The following TBC1D22A variants were observed in gnomAD, a reference collection of about 807,000 sequenced individuals.
TBC1D22A encodes putative GTPase activator.
TBC1D22A carries 38 observed loss-of-function variants against 60.2 expected under a neutral mutation model. The observed-to-expected ratio is 0.63, with a 90% confidence interval of 0.49 to 0.83. The LOEUF is 0.83. Among genes scored for constraint, TBC1D22A ranks in the 40% least tolerant of loss-of-function variants. The probability of loss-of-function intolerance (pLI) is 0.00; values close to 1 mark genes in which losing one functional copy is unlikely to be tolerated. For missense variants in TBC1D22A, 628 were observed against 701.0 expected, an observed-to-expected ratio of 0.90 and a Z score of 1.18; for synonymous variants, 302 against 281.7, an observed-to-expected ratio of 1.07 and a Z score of -0.72.
At chr22:47,090,441 C>T (rs759272405) in intron 11 of TBC1D22A, among the ~76,000 whole-genome samples, 2 of 152,218 alleles carry the variant, frequency 1.3e-5, no homozygotes, top group East Asian at 1.9e-4. Flanking sequence ...TTCCAGCAGC[C>T]GAGTAACTTC....
chr22:46,900,158 T>A (rs9616143), intron 7 of TBC1D22A, among the ~76,000 whole-genome samples: 1 of 150,936 alleles, frequency 6.6e-6, no homozygotes, highest in African/African-American at 2.4e-5. Flanking sequence ...GGTTTTTTTT[T>A]TTTTTTTTGA....
At chr22:46,953,153 GT>G (rs2073009599) in intron 8 of TBC1D22A, among the ~76,000 whole-genome samples, 1 of 151,796 alleles carries the variant, frequency 6.6e-6, no homozygotes, top group Non-Finnish European at 1.5e-5. Context: ...AGACTTTTCT[GT>G]TTTCCACATT....
At chr22:47,153,967 C>T (rs902694340) in intron 12 of TBC1D22A, among the ~76,000 whole-genome samples, 2 of 151,902 alleles carry the variant, frequency 1.3e-5, no homozygotes, top group Admixed American at 1.3e-4. Context: ...GCAGAAGTCA[C>T]TCTTGGGCAT....
intron 2 of TBC1D22A, chr22:46,792,820 G>A (rs1295947639): frequency 2.6e-5 from 38 of 1,442,034 alleles, no homozygotes; most frequent in Non-Finnish European, 3.0e-5. Flanking sequence ...GGAGCCCTGG[G>A]GAGAGCCAGG....
At chr22:47,163,227 C>T (rs1601730052) in intron 12 of TBC1D22A, among the ~76,000 whole-genome samples, 2 of 152,108 alleles carry the variant, frequency 1.3e-5, no homozygotes, top group South Asian at 4.2e-4. Flanking sequence ...GCTTGGGAGG[C>T]CCACCCTGAG....
At chr22:46,798,784 C>T (rs1268635183) in intron 4 of TBC1D22A, among the ~76,000 whole-genome samples, 1 of 152,200 alleles carries the variant, frequency 6.6e-6, no homozygotes, top group African/African-American at 2.4e-5. Context: ...CAGGAGGTGG[C>T]GAGTGGCGCA....
At chr22:46,913,410 T>C (rs1281167449) in intron 8 of TBC1D22A, 2 of 1,366,360 alleles carry the variant, frequency 1.5e-6, no homozygotes, top group Non-Finnish European at 2.0e-6. Flanking sequence ...CGAGGACAGA[T>C]GAACAGATTA....
rs1010998742 is a variant in TBC1D22A at position 47,174,326 on chromosome 22, T to C, written c.*700T>C. 2 of 152,274 alleles carry C rather than the reference T, an allele frequency of 1.3e-5. No homozygotes were observed. The highest frequency in any genetic ancestry group is 4.8e-5 in the African/African-American group (2 of 41,466). 9.4% of individuals were successfully genotyped at this position (152,274 alleles called of 1,614,324 possible). A position where few individuals can be genotyped will look rare whatever the true frequency, so the allele number is the denominator to read the frequency against. ...CGCCTTACTTTCCACCTTGAACCTC[T>C]TTTACAAGAGAGAAACCCCCACCTC... On this transcript the variant is annotated 3_prime_UTR_variant, in exon 13 of 13. Coordinates refer to ENST00000337137, the MANE Select transcript of TBC1D22A (RefSeq NM_014346.5).
At chr22:47,025,873 G>C (rs1375699867) in intron 10 of TBC1D22A, among the ~76,000 whole-genome samples, 1 of 152,074 alleles carries the variant, frequency 6.6e-6, no homozygotes, top group Non-Finnish European at 1.5e-5. Context: ...TGTGAGAAGA[G>C]GCTGTGCTTA....
At chr22:47,096,296 A>G (rs1160017693) in intron 11 of TBC1D22A, among the ~76,000 whole-genome samples, 1 of 152,168 alleles carries the variant, frequency 6.6e-6, no homozygotes, top group Non-Finnish European at 1.5e-5. Flanking sequence ...TCTGGAAACT[A>G]GGAACTGGCC....
chr22:46,774,602 G>A (rs1035136043), intron 1 of TBC1D22A, among the ~76,000 whole-genome samples: 3 of 152,200 alleles, frequency 2.0e-5, no homozygotes, highest in Non-Finnish European at 4.4e-5. Context: ...ATTGCTGGGC[G>A]CCCTCTCCTC....
At chr22:46,816,221 C>T (rs991052144) in intron 4 of TBC1D22A, among the ~76,000 whole-genome samples, 1 of 152,206 alleles carries the variant, frequency 6.6e-6, no homozygotes, top group African/African-American at 2.4e-5. Flanking sequence ...AGCCTCCCCA[C>T]TGGAAGCTGT....
chr22:46,821,735 G>A (rs1177102052), intron 4 of TBC1D22A, among the ~76,000 whole-genome samples: 1 of 152,054 alleles, frequency 6.6e-6, no homozygotes, highest in African/African-American at 2.4e-5. Context: ...TTCTTGTGGA[G>A]TATCTTAATG....
At chr22:46,919,304 C>T (rs2070589640) in intron 8 of TBC1D22A, among the ~76,000 whole-genome samples, 1 of 152,204 alleles carries the variant, frequency 6.6e-6, no homozygotes. Context: ...CATCATGCTT[C>T]CAAGGTTCAT....
At chr22:46,787,370 C>T (rs924405009) in intron 1 of TBC1D22A, among the ~76,000 whole-genome samples, 1 of 152,142 alleles carries the variant, frequency 6.6e-6, no homozygotes, top group Non-Finnish European at 1.5e-5. Context: ...TGGGAGTTGC[C>T]TCTCCTCTCT....
intron 8 of TBC1D22A, among the ~76,000 whole-genome samples, chr22:46,931,142 G>A (rs2071337512): frequency 6.6e-6 from 1 of 152,182 alleles, no homozygotes; most frequent in South Asian, 2.1e-4. Context: ...TGGTTTTTAT[G>A]CTTGCAGCTG....
intron 12 of TBC1D22A, among the ~76,000 whole-genome samples, chr22:47,136,184 G>A (rs1158613555): frequency 6.6e-6 from 1 of 152,250 alleles, no homozygotes; most frequent in African/African-American, 2.4e-5. Context: ...GCCTCCCAGT[G>A]CCAGCTGCGG....
chr22:46,920,582 C>G (rs2070694706), intron 8 of TBC1D22A, among the ~76,000 whole-genome samples: 2 of 152,108 alleles, frequency 1.3e-5, no homozygotes, highest in South Asian at 4.1e-4. Flanking sequence ...ATTCGCTGCT[C>G]CTCGAATCTG....
chr22:46,793,103 G>A (rs1482945635), intron 2 of TBC1D22A, among the ~76,000 whole-genome samples: 1 of 152,254 alleles, frequency 6.6e-6, no homozygotes, highest in Admixed American at 6.5e-5. Context: ...AAATGATCAT[G>A]TCTTCAAATC....
Sources: gnomAD v4.1 joint callset for allele counts (sites outside exome capture counted in the v4.1 genomes callset) on GRCh38, gnomAD v4.1.1 for gene constraint, MANE v1.5 for transcripts, NCBI Gene and HGNC (gene_info 2026-07-23, HGNC 2026-07-21) for gene names.